CATSPERG: variants seen among roughly 807,000 people sequenced by gnomAD.
The protein encoded by CATSPERG is catsper channel auxiliary subunit gamma.
In CATSPERG, 115 loss-of-function variants were observed where a neutral mutation model predicts 145.0. The observed-to-expected ratio is 0.79, with a 90% CI of 0.68 to 0.93. CATSPERG has a LOEUF of 0.93. Ranked by LOEUF, CATSPERG falls within the 40% of genes least tolerant of loss-of-function variation. The pLI, the probability that CATSPERG is intolerant of heterozygous loss-of-function variation, is 0.00. For synonymous variants in CATSPERG, 588 were observed against 589.0 expected (o/e 1.00, Z 0.02); for missense variants, 1,296 against 1,490.1 (o/e 0.87, Z 2.14).
rs1284102346 is a variant in CATSPERG at position 38,358,567 on chromosome 19, C to T, written c.1496+6C>T. 1.2e-6 allele frequency: 2 copies of T among 1,613,928 alleles called. No homozygotes were observed. Among genetic ancestry groups the T allele is most frequent in the African/African-American group, 1.3e-5 (1 of 74,918 alleles). On this transcript the variant is annotated splice_donor_region_variant and intron_variant, in intron 13 of 28. Coordinates refer to ENST00000409235, the MANE Select transcript of CATSPERG (RefSeq NM_021185.5). ...GGCAACTTCCTCCTGCAGAGGTGGG[C>T]CTCTACCACCCCTGGGTGGGCCAGG...
intron 11 of CATSPERG, among the ~76,000 whole-genome samples, chr19:38,357,190 G>A (rs778927132): frequency 6.6e-6 from 1 of 152,054 alleles, no homozygotes; most frequent in Non-Finnish European, 1.5e-5. Context: ...TTCCTCTCAG[G>A]CAGTGCCTTT....
chr19:38,336,112 T>C, intron 1 of CATSPERG: 1 of 368,086 alleles, frequency 2.7e-6, no homozygotes, highest in South Asian at 1.8e-5. Flanking sequence ...GGCAGGAGAG[T>C]CGGGGTATAG....
At chr19:38,345,573 C>T (rs1488961510) in intron 6 of CATSPERG, among the ~76,000 whole-genome samples, 1 of 150,268 alleles carries the variant, frequency 6.7e-6, no homozygotes, top group Admixed American at 6.7e-5. Context: ...GGTGCGATCT[C>T]GGCTCACCGC....
intron 7 of CATSPERG, among the ~76,000 whole-genome samples, chr19:38,351,705 A>C (rs1380915288): frequency 1.3e-5 from 2 of 151,928 alleles, no homozygotes. Context: ...ACAGGAGTTC[A>C]AGACCAGCCT....
At chr19:38,367,882 C>T in intron 25 of CATSPERG, 106 bp downstream of exon 25, 1 of 1,226,674 alleles carries the variant, frequency 8.2e-7, no homozygotes, top group East Asian at 2.3e-5. Context: ...GCGTCTCAGG[C>T]CCTGCCCACA....
chr19:38,365,072 A>G lies in CATSPERG; in HGVS notation c.2568A>G (p.Ser856=), dbSNP rs956262677. Residue 856 remains serine, a synonymous_variant, in exon 22 of 29, where the codon TCA becomes TCG. Coordinates refer to ENST00000409235, the MANE Select transcript of CATSPERG (RefSeq NM_021185.5). ...GCTCCTACCCACAGGTGGTGGGTTCATCCGGGCTCTGCTTCCAGGAAACAC... is the reference window on the plus strand; with the variant it reads ...GCTCCTACCCACAGGTGGTGGGTTCGTCCGGGCTCTGCTTCCAGGAAACAC... ...ETSMTVNVVG[S]SGLCFQETHL... is the part of the protein sequence containing the mutation. The G allele has an allele frequency of 3.1e-6, 5 of 1,613,836 alleles. No individual in the cohort carries two copies. The highest frequency in any genetic ancestry group is 1.3e-5 in the African/African-American group (1 of 74,888).
chr19:38,359,530 C>T lies in CATSPERG; in HGVS notation c.1557C>T (p.Tyr519=). ...ADFPKELSIK[Y]MARSFRGAVA... ...TCCCCAAGGAACTGTCCATCAAATA[C>T]ATGGCCAGATCGTTCCGTGGGGCTG... Residue 519 remains tyrosine (Y), a synonymous_variant, in exon 14 of 29, where the codon TAC becomes TAT. Coordinates refer to ENST00000409235, the MANE Select transcript of CATSPERG (RefSeq NM_021185.5). 6.2e-7 allele frequency: 1 copy of T among 1,613,904 alleles called. No individual in the cohort carries two copies. Among genetic ancestry groups the T allele is most frequent in the Non-Finnish European group, 8.5e-7 (1 of 1,179,822 alleles).
intron 17 of CATSPERG, 53 bp downstream of exon 17, chr19:38,361,914 G>T: frequency 6.6e-7 from 1 of 1,512,892 alleles, no homozygotes; most frequent in South Asian, 1.2e-5. Context: ...GGGCAGCCGG[G>T]AGCTGGCTTA....
intron 25 of CATSPERG, 91 bp downstream of exon 25, chr19:38,367,867 C>A: frequency 7.7e-7 from 1 of 1,299,782 alleles, no homozygotes; most frequent in Non-Finnish European, 1.1e-6. Flanking sequence ...CAAGCCCCCA[C>A]CTCTGCGTCT....
At chr19:38,348,569 G>C (rs904684199) in intron 7 of CATSPERG, among the ~76,000 whole-genome samples, 3 of 150,284 alleles carry the variant, frequency 2.0e-5, no homozygotes, top group Non-Finnish European at 4.4e-5. Context: ...CACCCCCCGG[G>C]TTCAAGTGAT....
intron 11 of CATSPERG, chr19:38,357,991 G>A (rs113197875): frequency 0.038 from 13,528 of 357,126 alleles, 357 homozygotes; most frequent in Non-Finnish European, 0.053. Context: ...GGTGGTGTGC[G>A]CCTATAATCC....
chr19:38,361,737 A>T lies in CATSPERG; in HGVS notation c.1970A>T (p.Gln657Leu), dbSNP rs1466351899. ...CCCAGTCCGCAGAGATACACGCGCC[A>T]GGAGCGCTACCGGGCGCGGCCGCCG... ...SLPSPQRYTRQERYRARPPRV... is the reference protein window; with the variant it reads ...SLPSPQRYTRLERYRARPPRV... Residue 657 changes from glutamine (Q) to leucine (L), a missense_variant, in exon 17 of 29, where the codon CAG becomes CTG. Gln to Leu is a moderately radical substitution (Grantham distance 113, BLOSUM62 -2). Coordinates refer to ENST00000409235, the MANE Select transcript of CATSPERG (RefSeq NM_021185.5). 1 of 1,612,946 alleles carries T rather than the reference A, an allele frequency of 6.2e-7. No individual in the cohort carries two copies. The highest frequency in any genetic ancestry group is 1.3e-5 in the African/African-American group (1 of 74,886).
At chr19:38,336,255 G>GGGGCGAGGAAACAACGAA (rs747966055) in intron 1 of CATSPERG, 1 of 455,972 alleles carries the variant, frequency 2.2e-6, no homozygotes, top group South Asian at 1.6e-5. Context: ...GAGAAGGTGT[G>GGGGCGAGGAAACAACGAA]GGGCGAGGAA....
At chr19:38,369,217 C>T (rs868095516) in intron 26 of CATSPERG, among the ~76,000 whole-genome samples, 2 of 152,080 alleles carry the variant, frequency 1.3e-5, no homozygotes, top group Non-Finnish European at 2.9e-5. Flanking sequence ...AGTGAATGAA[C>T]GAACAACTTG....
chr19:38,366,175 A>G (rs1417525579), intron 22 of CATSPERG: 1 of 152,278 alleles, frequency 6.6e-6, no homozygotes, highest in South Asian at 2.1e-4. Context: ...CGGGGCAGAC[A>G]CTGAGGCTCA....
intron 1 of CATSPERG, 141 bp from the exon 2 acceptor site, chr19:38,337,080 A>G: frequency 9.9e-7 from 1 of 1,007,530 alleles, no homozygotes; most frequent in Non-Finnish European, 1.4e-6. Flanking sequence ...ACCAAGAGCA[A>G]GTGCAGGGGC....
At chr19:38,358,251 A>G in intron 11 of CATSPERG, 27 bp from the exon 12 acceptor site, 1 of 1,613,386 alleles carries the variant, frequency 6.2e-7, no homozygotes, top group Non-Finnish European at 8.5e-7. Context: ...GCCTCAGGAG[A>G]TTTTGCTGTG....
chr19:38,353,830 A>G (rs1209523409), intron 8 of CATSPERG, among the ~76,000 whole-genome samples: 7 of 151,218 alleles, frequency 4.6e-5, no homozygotes, highest in Non-Finnish European at 1.0e-4. Context: ...CGTCTCTACT[A>G]AAAATACAAA....
In CATSPERG at chr19:38,370,696, T is replaced by C; in HGVS notation, c.3384T>C (p.Ser1128=). 6.2e-7 allele frequency: 1 copy of C among 1,614,036 alleles called. No individual in the cohort carries two copies. The highest frequency in any genetic ancestry group is 2.2e-5 in the East Asian group (1 of 44,868). ...ASISGISSMP[S]LRHSRMGSMF... is the part of the protein sequence containing the mutation. ...TTTCCGGAATCTCGAGCATGCCGTC[T>C]CTGAGACATTCCAGGATGGGCTCCA... Residue 1128 remains serine, a synonymous_variant, in exon 29 of 29, where the codon TCT becomes TCC. Coordinates refer to ENST00000409235, the MANE Select transcript of CATSPERG (RefSeq NM_021185.5).
Sources: allele counts gnomAD v4.1 joint callset (sites outside exome capture counted in the v4.1 genomes callset), GRCh38; gene constraint gnomAD v4.1.1; transcripts MANE v1.5; gene names NCBI Gene and HGNC (gene_info 2026-07-23, HGNC 2026-07-21).